Variants in AP3M1 observed in about 807,000 individuals in gnomAD.
The protein encoded by AP3M1 is AP-3 complex subunit mu-1.
A neutral mutation model predicts 42.6 loss-of-function variants in AP3M1; 29 were observed. That is an observed-to-expected ratio of 0.68 (90% CI 0.51 to 0.93). The LOEUF is 0.93. Ranked by LOEUF, AP3M1 falls within the 40% of genes least tolerant of loss-of-function variation. The pLI is 0.00. For missense variants in AP3M1, 416 were observed against 510.2 expected (o/e 0.82, Z 1.78); for synonymous variants, 178 against 175.3 (o/e 1.02, Z -0.12).
At chr10:74,129,460 A>T (rs1840710635) in intron 5 of AP3M1, among the ~76,000 whole-genome samples, 1 of 152,212 alleles carries the variant, frequency 6.6e-6, no homozygotes, top group Non-Finnish European at 1.5e-5. Flanking sequence ...AGAAAAGGCA[A>T]GTAGTATTAT....
chr10:74,130,973 G>A (rs186622405), intron 4 of AP3M1, among the ~76,000 whole-genome samples: 113 of 151,866 alleles, frequency 7.4e-4, no homozygotes, highest in South Asian at 1.0e-3. Context: ...TTAGCCAGGC[G>A]TGGTGGTGTG....
rs1237697370 is a variant in AP3M1, at chr10:74,124,436, G to A, written c.1100C>T (p.Pro367Leu). 7 of 1,613,648 alleles carry A rather than the reference G, an allele frequency of 4.3e-6. No individual in the cohort carries two copies. Among genetic ancestry groups the A allele is most frequent in the Non-Finnish European group, 5.9e-6 (7 of 1,179,826 alleles). The change falls in exon 8 of 9, where the codon CCA becomes CTA. Residue 367 changes from proline (P) to leucine (L), a missense_variant. By Grantham distance (98) the Pro-to-Leu change is moderately conservative. Coordinates refer to ENST00000355264, the MANE Select transcript of AP3M1 (RefSeq NM_012095.6). ...LVNLQSGAPK[P>L]EENPSLNIQF... ...TATGTTGAGGCTCGGATTCTCTTCT[G>A]GTTTGGGGGCTCCAGACTGTAAATT...
intron 1 of AP3M1, among the ~76,000 whole-genome samples, chr10:74,149,310 G>A (rs1841454613): frequency 1.1e-5 from 1 of 90,938 alleles, no homozygotes; most frequent in Non-Finnish European, 1.9e-5. Flanking sequence ...TTTTTTTCGA[G>A]GCAGAGTCTC....
rs757232819 is a variant in AP3M1 at position 74,126,295 on chromosome 10, G to A, written c.864C>T (p.Cys288=). The change falls in exon 7 of 9, where the codon TGC becomes TGT. Residue 288 remains cysteine, a synonymous_variant. Coordinates refer to ENST00000355264, the MANE Select transcript of AP3M1 (RefSeq NM_012095.6). ...HSISFKENSS[C]GRFDITIGPK... ...GTCCAATTGTTATATCAAATCTGCC[G>A]CAAGAACTGTTCTCCTTAAAGCTGA... 9.3e-6 allele frequency: 15 copies of A among 1,613,972 alleles called. No homozygotes were observed. The highest frequency in any genetic ancestry group is 4.0e-5 in the African/African-American group (3 of 74,892).
At chr10:74,148,866 T>C (rs1313070402) in intron 1 of AP3M1, among the ~76,000 whole-genome samples, 1 of 150,982 alleles carries the variant, frequency 6.6e-6, no homozygotes, top group Non-Finnish European at 1.5e-5. Flanking sequence ...CTGCCCATAG[T>C]ATATTGGTTT....
At chr10:74,148,841 G>C (rs1474616544) in intron 1 of AP3M1, among the ~76,000 whole-genome samples, 1 of 151,208 alleles carries the variant, frequency 6.6e-6, no homozygotes, top group Non-Finnish European at 1.5e-5. Flanking sequence ...ACAGGCGTGA[G>C]CCACCGCACT....
rs374316341 is a variant in AP3M1 at position 74,134,105 on chromosome 10, G to A, written c.505C>T (p.Arg169Trp). ...TGQLSNIPWRRAGVKYTNNEA... is the reference protein window; with the variant it reads ...TGQLSNIPWRWAGVKYTNNEA... Reference sequence around the variant, plus strand: ...TTGTTTGTGTACTTTACCCCTGCCCGACGCCATGGTATGTTGGACAGCTGC... The same window carrying A: ...TTGTTTGTGTACTTTACCCCTGCCCAACGCCATGGTATGTTGGACAGCTGC... Residue 169 changes from arginine to tryptophan, a missense_variant, in exon 4 of 9, where the codon CGG becomes TGG. Transcript: ENST00000355264. 32 of 1,613,994 alleles carry A rather than the reference G, an allele frequency of 2.0e-5. No homozygotes were observed. The highest frequency in any genetic ancestry group is 2.7e-5 in the African/African-American group (2 of 74,898).
intron 5 of AP3M1, 46 bp downstream of exon 5, chr10:74,129,861 T>C (rs1840723727): frequency 8.4e-7 from 1 of 1,190,458 alleles, no homozygotes; most frequent in Admixed American, 1.7e-5. Context: ...GTACTTCACA[T>C]GTATTAGGCA....
intron 1 of AP3M1, among the ~76,000 whole-genome samples, chr10:74,147,736 C>T (rs1014427872): frequency 1.1e-4 from 17 of 152,180 alleles, no homozygotes; most frequent in Non-Finnish European, 4.4e-5. Context: ...TGCGGTGGCT[C>T]ACACCTGTAA....
chr10:74,141,480 T>C (rs899506552), intron 1 of AP3M1, among the ~76,000 whole-genome samples: 1 of 151,416 alleles, frequency 6.6e-6, no homozygotes, highest in African/African-American at 2.5e-5. Context: ...GGCAAAGGAT[T>C]TGAAAAGACA....
At chr10:74,146,092 G>T (rs1247912031) in intron 1 of AP3M1, among the ~76,000 whole-genome samples, 2 of 152,182 alleles carry the variant, frequency 1.3e-5, no homozygotes, top group Non-Finnish European at 2.9e-5. Context: ...ACTTAATACA[G>T]TTAAGATGTA....
chr10:74,129,472 T>C (rs1266352074), intron 5 of AP3M1, among the ~76,000 whole-genome samples: 4 of 152,224 alleles, frequency 2.6e-5, no homozygotes, highest in Non-Finnish European at 2.9e-5. Flanking sequence ...TAGTATTATT[T>C]CCCTTTAACA....
chr10:74,143,325 C>T (rs1236535165), intron 1 of AP3M1, among the ~76,000 whole-genome samples: 1 of 152,206 alleles, frequency 6.6e-6, no homozygotes, highest in African/African-American at 2.4e-5. Flanking sequence ...TCTCTGCTGA[C>T]TGCAACCTCC....
In AP3M1 at chr10:74,123,871, T is replaced by C; in HGVS notation, c.1196A>G (p.Tyr399Cys). ...VNRLDMYGEK[Y>C]KPFKGVKYVT... ...GTATTTGACTCCTTTAAATGGCTTA[T>C]ATTTCTCCCCATACATGTCCAAACG... The change falls in exon 9 of 9, where the codon TAT becomes TGT. Residue 399 changes from tyrosine (Y) to cysteine (C), a missense_variant. By Grantham distance (194) the Tyr-to-Cys change is radical. Transcript: ENST00000355264. 1.2e-6 allele frequency: 2 copies of C among 1,614,196 alleles called. No homozygotes were observed. The highest frequency in any genetic ancestry group is 1.1e-5 in the South Asian group (1 of 91,082).
intron 1 of AP3M1, among the ~76,000 whole-genome samples, chr10:74,147,157 T>C (rs1841356561): frequency 6.6e-6 from 1 of 152,026 alleles, no homozygotes; most frequent in East Asian, 1.9e-4. Flanking sequence ...TGGTGGTGGG[T>C]GCCTGTAATC....
At position 74,138,161 on chromosome 10, in the gene AP3M1, T is replaced by G; in HGVS notation, c.219A>C (p.Glu73Asp). 6.2e-7 allele frequency: 1 copy of G among 1,614,164 alleles called. No homozygotes were observed. Among genetic ancestry groups the G allele is most frequent in the Non-Finnish European group, 8.5e-7 (1 of 1,180,006 alleles). ...ACTCAATTACAAAGAGAGGTGGCAC[T>G]TCGGTCTGTATGACAGATACAAAGA... The part of the protein sequence containing the change: ...KLFFVSVIQT[E>D]VPPLFVIEFL... Residue 73 changes from glutamate to aspartate, a missense_variant, in exon 2 of 9, where the codon GAA (glutamate) becomes GAC (aspartate). Transcript: ENST00000355264.
rs1218836446 is a variant in AP3M1, at chr10:74,136,750, T to G, written c.327A>C (p.Val109=). Residue 109 remains valine, a synonymous_variant, in exon 3 of 9, where the codon GTA becomes GTC. Transcript: ENST00000355264. ...CTAACATTTCTTCTAAGAGTTCATA[T>G]ACTATGACCACATTATCCTTAATTG... is the stretch of plus-strand genomic sequence containing the variant. The part of the protein sequence containing the change: ...EAAIKDNVVI[V]YELLEEMLDN... 4.4e-6 allele frequency: 7 copies of G among 1,573,526 alleles called. No individual in the cohort carries two copies. Among genetic ancestry groups the G allele is most frequent in the Non-Finnish European group, 6.1e-6 (7 of 1,150,006 alleles).
intron 1 of AP3M1, among the ~76,000 whole-genome samples, chr10:74,146,571 G>T (rs1841334947): frequency 6.6e-6 from 1 of 152,140 alleles, no homozygotes; most frequent in African/African-American, 2.4e-5. Flanking sequence ...GTGTGGAGAT[G>T]AGAGAGATGT....
chr10:74,139,715 A>C (rs1841077287), intron 1 of AP3M1, among the ~76,000 whole-genome samples: 1 of 151,886 alleles, frequency 6.6e-6, no homozygotes, highest in South Asian at 2.1e-4. Context: ...CAGGAGATCG[A>C]GACCATCCTG....
Sources: allele counts gnomAD v4.1 joint callset (sites outside exome capture counted in the v4.1 genomes callset), GRCh38; gene constraint gnomAD v4.1.1; transcripts MANE v1.5; gene names NCBI Gene and HGNC (gene_info 2026-07-23, HGNC 2026-07-21).